TTC28: variants seen among roughly 807,000 people sequenced by gnomAD.
The protein encoded by TTC28 is tetratricopeptide repeat protein 28.
In TTC28, 61 loss-of-function variants were observed where a neutral mutation model predicts 198.0. The observed-to-expected ratio is 0.31, with a 90% CI of 0.25 to 0.38. The LOEUF (loss-of-function observed/expected upper bound fraction) is 0.38, where lower values mean the gene tolerates loss of function less well. Among genes scored for constraint, TTC28 ranks in the 10% least tolerant of loss-of-function variants. The probability of loss-of-function intolerance (pLI) is 1.00; values close to 1 mark genes in which losing one functional copy is unlikely to be tolerated. For synonymous variants in TTC28, 1,171 were observed against 1,297.8 expected (o/e 0.90, Z 2.10); for missense variants, 2,678 against 3,164.0 (o/e 0.85, Z 3.69).
chr22:28,484,712 A>G (rs563031813), intron 2 of TTC28, among the ~76,000 whole-genome samples: 36 of 152,204 alleles, frequency 2.4e-4, no homozygotes, highest in Non-Finnish European at 4.3e-4. Context: ...CTCCAACCCC[A>G]AAAGAACCTA....
intron 1 of TTC28, among the ~76,000 whole-genome samples, chr22:28,645,540 T>C (rs894534371): frequency 3.3e-5 from 5 of 151,590 alleles, no homozygotes; most frequent in African/African-American, 9.7e-5. Flanking sequence ...GGCAGGAGAA[T>C]TGCTTGTACC....
chr22:28,441,310 T>C (rs1004049923), intron 2 of TTC28, among the ~76,000 whole-genome samples: 19 of 151,588 alleles, frequency 1.3e-4, no homozygotes, highest in Admixed American at 1.3e-4. Context: ...ATTACAAATA[T>C]AGAAGAAATG....
chr22:28,254,149 A>T (rs1369311063), intron 5 of TTC28, among the ~76,000 whole-genome samples: 1 of 152,030 alleles, frequency 6.6e-6, no homozygotes, highest in East Asian at 1.9e-4. Flanking sequence ...TTGAAAGGAA[A>T]GTAATGAGTC....
intron 2 of TTC28, among the ~76,000 whole-genome samples, chr22:28,328,785 A>G (rs2045572026): frequency 6.9e-6 from 1 of 144,944 alleles, no homozygotes; most frequent in African/African-American, 2.6e-5. Context: ...AATAATAATA[A>G]TAATAATAAT....
chr22:28,545,720 A>G (rs559741314), intron 2 of TTC28, among the ~76,000 whole-genome samples: 1 of 152,160 alleles, frequency 6.6e-6, no homozygotes, highest in Non-Finnish European at 1.5e-5. Flanking sequence ...AAATATATAT[A>G]TCATTCACAA....
At chr22:28,101,334 T>C (rs925615884) in intron 8 of TTC28, 54 bp from the exon 9 acceptor site, 15 of 1,366,400 alleles carry the variant, frequency 1.1e-5, no homozygotes, top group Non-Finnish European at 1.4e-5. Flanking sequence ...AATTCCACTA[T>C]CCTAAGGAGT....
At chr22:27,999,388 T>A in intron 15 of TTC28, 128 bp from the exon 16 acceptor site, 1 of 1,296,174 alleles carries the variant, frequency 7.7e-7, no homozygotes, top group African/African-American at 1.5e-5. Flanking sequence ...GTTTCCCCAG[T>A]CACCACATTC....
intron 2 of TTC28, among the ~76,000 whole-genome samples, chr22:28,439,064 T>C (rs1163540921): frequency 6.6e-6 from 1 of 152,200 alleles, no homozygotes; most frequent in Non-Finnish European, 1.5e-5. Flanking sequence ...AGCCTAAAAA[T>C]ATAGGTTTTA....
chr22:28,645,381 C>A (rs1256922465), intron 1 of TTC28, among the ~76,000 whole-genome samples: 1 of 152,080 alleles, frequency 6.6e-6, no homozygotes, highest in African/African-American at 2.4e-5. Context: ...GTAATCCCAG[C>A]ACTTTGGGAG....
At chr22:28,170,062 T>C (rs1028208419) in intron 5 of TTC28, among the ~76,000 whole-genome samples, 5 of 152,190 alleles carry the variant, frequency 3.3e-5, no homozygotes, top group Non-Finnish European at 5.9e-5. Flanking sequence ...TAACTTTCTA[T>C]ACCTCATCTC....
At chr22:27,990,672 G>T in intron 20 of TTC28, 117 bp downstream of exon 20, 2 of 997,634 alleles carry the variant, frequency 2.0e-6, no homozygotes, top group Non-Finnish European at 2.9e-6. Flanking sequence ...GCCGCAGCCC[G>T]TGTGGCTCCG....
At chr22:28,090,063 A>G (rs1007804546) in intron 12 of TTC28, among the ~76,000 whole-genome samples, 4 of 152,154 alleles carry the variant, frequency 2.6e-5, no homozygotes, top group African/African-American at 4.8e-5. Flanking sequence ...ATGTATACAT[A>G]TGTAACAAAC....
intron 2 of TTC28, among the ~76,000 whole-genome samples, chr22:28,419,044 G>T (rs1001007966): frequency 6.6e-6 from 1 of 152,030 alleles, no homozygotes; most frequent in Non-Finnish European, 1.5e-5. Context: ...AAGATCCCTA[G>T]GCCTAGATTA....
At chr22:28,344,955 T>A (rs2045883170) in intron 2 of TTC28, among the ~76,000 whole-genome samples, 1 of 152,190 alleles carries the variant, frequency 6.6e-6, no homozygotes, top group Admixed American at 6.5e-5. Flanking sequence ...TTCATTATTT[T>A]CAGTGAAGGA....
intron 2 of TTC28, among the ~76,000 whole-genome samples, chr22:28,472,507 T>C (rs757203420): frequency 6.6e-6 from 1 of 152,132 alleles, no homozygotes; most frequent in South Asian, 2.1e-4. Flanking sequence ...TTGTTTTGTA[T>C]ACCTTCATGT....
chr22:28,549,653 G>C lies in TTC28; in HGVS notation c.381+79899C>G, dbSNP rs114501489. On this transcript the variant is annotated intron_variant, in intron 2 of 22. Transcript: ENST00000397906. Reference sequence around the variant, plus strand: ...TTAATCAACTGTTTGCCAATTAATTGAACAAAAACATCTTTAAATTTTAAA... The same window carrying C: ...TTAATCAACTGTTTGCCAATTAATTCAACAAAAACATCTTTAAATTTTAAA... Among the ~76,000 whole-genome samples the C allele has an allele frequency of 9.6e-3, 1,466 of 152,182 alleles. 26 individuals carry two copies. The highest frequency in any genetic ancestry group is 0.033 in the African/African-American group (1,368 of 41,528).
intron 1 of TTC28, among the ~76,000 whole-genome samples, chr22:28,674,055 T>C (rs894115160): frequency 6.6e-6 from 1 of 152,178 alleles, no homozygotes; most frequent in Non-Finnish European, 1.5e-5. Context: ...CTTTCAATTA[T>C]ACTTTTATTA....
At chr22:28,420,838 T>C (rs1463869711) in intron 2 of TTC28, among the ~76,000 whole-genome samples, 2 of 152,126 alleles carry the variant, frequency 1.3e-5, no homozygotes, top group African/African-American at 4.8e-5. Context: ...TGACCTCAGG[T>C]GATCCGCCTG....
At chr22:28,031,819 A>G (rs1214025040) in intron 12 of TTC28, among the ~76,000 whole-genome samples, 1 of 152,168 alleles carries the variant, frequency 6.6e-6, no homozygotes, top group Non-Finnish European at 1.5e-5. Flanking sequence ...TGAGATTACC[A>G]TTTAAGCTCG....
Sources: gnomAD v4.1 joint callset for allele counts (sites outside exome capture counted in the v4.1 genomes callset) on GRCh38, gnomAD v4.1.1 for gene constraint, MANE v1.5 for transcripts, NCBI Gene and HGNC (gene_info 2026-07-23, HGNC 2026-07-21) for gene names.